CHST11: variants seen among roughly 807,000 people sequenced by gnomAD.
The protein encoded by CHST11 is carbohydrate sulfotransferase 11.
In CHST11, 9 loss-of-function variants were observed where a neutral mutation model predicts 30.4. The ratio of observed to expected loss-of-function variants is 0.30; its 90% CI spans 0.18 to 0.52. The LOEUF is 0.52. Among genes scored for constraint, CHST11 ranks in the 20% least tolerant of loss-of-function variants. CHST11 has a pLI of 0.97. For missense variants in CHST11, 348 were observed against 460.6 expected, an observed-to-expected ratio of 0.76 and a Z score of 2.24; for synonymous variants, 152 against 187.8, an observed-to-expected ratio of 0.81 and a Z score of 1.56.
intron 1 of CHST11, among the ~76,000 whole-genome samples, chr12:104,533,020 C>T (rs1208195650): frequency 1.3e-5 from 2 of 152,224 alleles, no homozygotes; most frequent in Non-Finnish European, 1.5e-5. Context: ...AAGCAAACCT[C>T]CTGCCTCAGC....
At chr12:104,612,403 C>G (rs1326165538) in intron 2 of CHST11, among the ~76,000 whole-genome samples, 2 of 152,314 alleles carry the variant, frequency 1.3e-5, no homozygotes, top group Non-Finnish European at 1.5e-5. Flanking sequence ...TGGTGCTCCC[C>G]CTGTGTGGGT....
intron 1 of CHST11, among the ~76,000 whole-genome samples, chr12:104,530,783 A>G (rs890896114): frequency 9.2e-5 from 14 of 152,198 alleles, no homozygotes; most frequent in South Asian, 2.1e-4. Flanking sequence ...CCAAAATATG[A>G]TAAGTTCAAA....
chr12:104,546,387 G>C (rs1204029032), intron 1 of CHST11, among the ~76,000 whole-genome samples: 1 of 151,242 alleles, frequency 6.6e-6, no homozygotes, highest in Non-Finnish European at 1.5e-5. Context: ...AGAATCGCTT[G>C]AGCCCAGGAG....
At chr12:104,548,150 T>C (rs1425871716) in intron 1 of CHST11, among the ~76,000 whole-genome samples, 3 of 152,256 alleles carry the variant, frequency 2.0e-5, no homozygotes, top group Non-Finnish European at 4.4e-5. Context: ...CCATGTCTTA[T>C]TCACCTTTGG....
intron 1 of CHST11, among the ~76,000 whole-genome samples, chr12:104,501,968 G>T (rs2037857267): frequency 6.6e-6 from 1 of 152,124 alleles, no homozygotes; most frequent in Non-Finnish European, 1.5e-5. Flanking sequence ...AGCAGCACAT[G>T]AGTGGACTCC....
intron 1 of CHST11, among the ~76,000 whole-genome samples, chr12:104,582,107 A>G (rs1282660861): frequency 6.6e-6 from 1 of 152,180 alleles, no homozygotes; most frequent in Non-Finnish European, 1.5e-5. Flanking sequence ...GAGAAATTGA[A>G]ATATGGAAAT....
At chr12:104,581,761 C>T (rs2038747166) in intron 1 of CHST11, among the ~76,000 whole-genome samples, 7 of 152,186 alleles carry the variant, frequency 4.6e-5, no homozygotes, top group Admixed American at 4.6e-4. Context: ...TCTCAAAGGG[C>T]CTGTTACCCT....
chr12:104,522,420 G>T (rs1456782618), intron 1 of CHST11, among the ~76,000 whole-genome samples: 1 of 152,188 alleles, frequency 6.6e-6, no homozygotes, highest in African/African-American at 2.4e-5. Flanking sequence ...TCATGTGGAG[G>T]TCCGAGCTTT....
At chr12:104,604,494 CTG>C (rs1197849576) in intron 2 of CHST11, among the ~76,000 whole-genome samples, 1 of 152,176 alleles carries the variant, frequency 6.6e-6, no homozygotes, top group Non-Finnish European at 1.5e-5. Flanking sequence ...TTCAGAGAAA[CTG>C]TCTTGGTGAT....
At chr12:104,652,219 C>A (rs1264032220) in intron 2 of CHST11, among the ~76,000 whole-genome samples, 1 of 152,160 alleles carries the variant, frequency 6.6e-6, no homozygotes, top group Non-Finnish European at 1.5e-5. Context: ...TCAGTGCAAT[C>A]AAACTTGTAG....
chr12:104,736,240 GA>G (rs1447045079), intron 2 of CHST11, among the ~76,000 whole-genome samples: 3 of 152,170 alleles, frequency 2.0e-5, no homozygotes, highest in African/African-American at 4.8e-5. Flanking sequence ...AGAATCTGGG[GA>G]AAGAACATTC....
rs2037372128 is a variant in CHST11, at chr12:104,458,057, C to T, written c.118+528C>T. Among the ~76,000 whole-genome samples, 1 of 151,772 alleles carries T rather than the reference C, an allele frequency of 6.6e-6. No individual in the cohort carries two copies. The highest frequency in any genetic ancestry group is 6.6e-5 in the Admixed American group (1 of 15,264). On this transcript the variant is annotated intron_variant, in intron 1 of 2. Coordinates refer to ENST00000303694, the MANE Select transcript of CHST11 (RefSeq NM_018413.6). This position sits in a 1 kb window ranked among gnomAD's most constrained non-coding sequence, Gnocchi z 5.7. ...CCGGCGAGGTTGCGAGTCCCTGCAG[C>T]AGGCTGGGAGCCCGGGACTGGGCTC...
chr12:104,669,182 C>T (rs2039668134), intron 2 of CHST11, among the ~76,000 whole-genome samples: 1 of 152,140 alleles, frequency 6.6e-6, no homozygotes, highest in South Asian at 2.1e-4. Flanking sequence ...CCCGGGCAGC[C>T]AGAGCGTTTT....
At chr12:104,706,476 A>G (rs1430635229) in intron 2 of CHST11, among the ~76,000 whole-genome samples, 1 of 151,646 alleles carries the variant, frequency 6.6e-6, no homozygotes, top group Non-Finnish European at 1.5e-5. Flanking sequence ...AGAGAGAGAG[A>G]GAGAGAGATG....
chr12:104,665,339 A>G (rs777864182), intron 2 of CHST11, among the ~76,000 whole-genome samples: 16 of 152,250 alleles, frequency 1.1e-4, no homozygotes, highest in Non-Finnish European at 2.4e-4. Context: ...AGCAAGGAGC[A>G]GCATGGAAGA....
chr12:104,692,029 C>T (rs1410433024), intron 2 of CHST11, among the ~76,000 whole-genome samples: 2 of 152,238 alleles, frequency 1.3e-5, no homozygotes, highest in African/African-American at 4.8e-5. Context: ...AGCGTGTCTC[C>T]TTGTTTTGAC....
At chr12:104,633,182 C>T (rs906397958) in intron 2 of CHST11, among the ~76,000 whole-genome samples, 1 of 152,212 alleles carries the variant, frequency 6.6e-6, no homozygotes, top group African/African-American at 2.4e-5. Context: ...TATTCAGCTG[C>T]TCCTGGGTTG....
At chr12:104,494,413 A>G (rs890834302) in intron 1 of CHST11, among the ~76,000 whole-genome samples, 17 of 152,226 alleles carry the variant, frequency 1.1e-4, no homozygotes, top group African/African-American at 3.9e-4. Flanking sequence ...CTCAGTGATA[A>G]CATCTCAGAA....
intron 2 of CHST11, among the ~76,000 whole-genome samples, chr12:104,671,184 A>G (rs755465917): frequency 7.9e-5 from 12 of 152,204 alleles, no homozygotes; most frequent in Non-Finnish European, 1.6e-4. Flanking sequence ...TCTGCTGGCC[A>G]TGGGCACACC....
Sources: gnomAD v4.1 joint callset for allele counts (sites outside exome capture counted in the v4.1 genomes callset) on GRCh38, gnomAD v4.1.1 for gene constraint, Gnocchi (gnomAD v3.1) non-coding constraint, MANE v1.5 for transcripts, NCBI Gene and HGNC (gene_info 2026-07-23, HGNC 2026-07-21) for gene names.